ERG: variants seen among roughly 807,000 people sequenced by gnomAD.
ERG encodes ETS transcription factor ERG.
A neutral mutation model predicts 55.3 loss-of-function variants in ERG; 9 were observed. The ratio of observed to expected loss-of-function variants is 0.16; its 90% CI spans 0.10 to 0.28. ERG has a LOEUF of 0.28. Among genes scored for constraint, ERG ranks in the 10% least tolerant of loss-of-function variants. ERG has a pLI of 1.00. For missense variants in ERG, 434 were observed against 631.6 expected, an observed-to-expected ratio of 0.69 and a Z score of 3.35; for synonymous variants, 223 against 237.3, an observed-to-expected ratio of 0.94 and a Z score of 0.55.
intron 2 of ERG, among the ~76,000 whole-genome samples, chr21:38,522,823 G>T (rs1284440529): frequency 1.3e-5 from 2 of 152,184 alleles, no homozygotes; most frequent in East Asian, 3.8e-4. Flanking sequence ...AGACAGAGTT[G>T]TTACTCTCAT....
At chr21:38,367,649 C>T in the ERG span, 1 of 515,468 alleles carries the variant, frequency 1.9e-6, no homozygotes, top group Non-Finnish European at 3.8e-6. Context: ...TGGGTCCAAC[C>T]TATACAAAAA....
intron 1 of ERG, among the ~76,000 whole-genome samples, chr21:38,483,825 C>A (rs1394516359): frequency 6.6e-6 from 1 of 152,106 alleles, no homozygotes; most frequent in Non-Finnish European, 1.5e-5. Flanking sequence ...CAAGATTGCA[C>A]CACAGCATTC....
At position 38,632,977 on chromosome 21, in the gene ERG, C is replaced by T. The variant is rs112295355; in HGVS notation, c.-150+28681G>A. ...CACAATAGCCAAGAAGTAGAAGCAA[C>T]CCAAATGTCCATGGATGGATGAATA... On this transcript the variant is annotated intron_variant, in intron 1 of 10. Coordinates refer to the ERG transcript ENST00000398910. 2.6e-3 allele frequency among the ~76,000 whole-genome samples: 402 copies of T among 152,270 alleles called. 2 individuals carry two copies. The highest frequency in any genetic ancestry group is 8.9e-3 in the African/African-American group (370 of 41,554).
chr21:38,639,758 T>G lies in ERG; in HGVS notation c.-150+21900A>C, dbSNP rs143451016. Among the ~76,000 whole-genome samples the G allele has an allele frequency of 2.4e-3, 368 of 152,330 alleles. 1 individual carries two copies. The highest frequency in any genetic ancestry group is 8.3e-3 in the African/African-American group (345 of 41,576). ...AGCTGGTAGTCTATGAAGCATCACT[T>G]TCACTTTCCAAATCGTGAGGGAAAT... On this transcript the variant is annotated intron_variant, in intron 1 of 10. Transcript: ENST00000398910.
intron 3 of ERG, among the ~76,000 whole-genome samples, chr21:38,415,242 C>A (rs899408991): frequency 1.3e-5 from 2 of 152,132 alleles, no homozygotes; most frequent in South Asian, 4.1e-4. Flanking sequence ...TCTTTACTGT[C>A]GAGTGAGAAT....
At chr21:38,525,023 C>A (rs929304564) in intron 2 of ERG, among the ~76,000 whole-genome samples, 1 of 152,144 alleles carries the variant, frequency 6.6e-6, no homozygotes, top group African/African-American at 2.4e-5. Context: ...ATCTTAGAAG[C>A]GGGTGCTGCT....
At chr21:38,461,024 G>T (rs1292003344) in intron 1 of ERG, among the ~76,000 whole-genome samples, 7 of 152,142 alleles carry the variant, frequency 4.6e-5, no homozygotes, top group Non-Finnish European at 7.3e-5. Flanking sequence ...AGCAGCATGG[G>T]CCTTATTACT....
At chr21:38,634,393 G>A (rs1017520316) in intron 1 of ERG, among the ~76,000 whole-genome samples, 1 of 152,160 alleles carries the variant, frequency 6.6e-6, no homozygotes, top group African/African-American at 2.4e-5. Flanking sequence ...GTGCATAACG[G>A]GAATGGCTAT....
At chr21:38,445,266 C>G (rs754724663) in intron 2 of ERG, 138 bp downstream of exon 2, 3 of 676,978 alleles carry the variant, frequency 4.4e-6, no homozygotes, top group Non-Finnish European at 7.7e-6. Context: ...CTCAGGCTCC[C>G]GAGTAGCTGG....
At chr21:38,649,429 G>C (rs1006493711) in intron 1 of ERG, among the ~76,000 whole-genome samples, 2 of 152,206 alleles carry the variant, frequency 1.3e-5, no homozygotes, top group African/African-American at 4.8e-5. Flanking sequence ...GGTTACCGGG[G>C]ATGACACGCT....
At chr21:38,659,072 T>G (rs985856686) in intron 1 of ERG, among the ~76,000 whole-genome samples, 1 of 152,220 alleles carries the variant, frequency 6.6e-6, no homozygotes, top group Non-Finnish European at 1.5e-5. Flanking sequence ...GAATTATAAG[T>G]GCTACTGGAA....
At chr21:38,444,735 A>AC (rs1051541235) in intron 2 of ERG, among the ~76,000 whole-genome samples, 2 of 147,528 alleles carry the variant, frequency 1.4e-5, no homozygotes, top group African/African-American at 5.1e-5. Flanking sequence ...GGAAAAAAAA[A>AC]AAAAACAAAC....
chr21:38,528,162 C>T (rs115870678), intron 2 of ERG, among the ~76,000 whole-genome samples: 1 of 152,316 alleles, frequency 6.6e-6, no homozygotes, highest in African/African-American at 2.4e-5. Flanking sequence ...CCTCATATAC[C>T]TGTCTGTCTC....
chr21:38,502,861 G>A (rs962025290), upstream of ERG, among the ~76,000 whole-genome samples: 2 of 141,892 alleles, frequency 1.4e-5, no homozygotes, highest in Non-Finnish European at 3.0e-5. Flanking sequence ...TGAGTAGCTG[G>A]GACTACAGGT....
At chr21:38,591,582 C>T (rs964646442) in intron 1 of ERG, among the ~76,000 whole-genome samples, 4 of 152,138 alleles carry the variant, frequency 2.6e-5, no homozygotes, top group African/African-American at 7.2e-5. Context: ...ATCCCAGCTA[C>T]TCAGAAGGCT....
At chr21:38,392,285 C>T (rs1988008016) in intron 7 of ERG, 91 bp downstream of exon 7, 1 of 1,136,502 alleles carries the variant, frequency 8.8e-7, no homozygotes. Flanking sequence ...TGCAAAATCA[C>T]AGATTAACCA....
At chr21:38,488,649 G>A (rs184160226) in intron 1 of ERG, among the ~76,000 whole-genome samples, 54 of 152,192 alleles carry the variant, frequency 3.5e-4, no homozygotes, top group African/African-American at 1.3e-3. Flanking sequence ...CCCAAATCTG[G>A]TAATCTCTGC....
chr21:38,485,999 T>A (rs1476508471), intron 1 of ERG, among the ~76,000 whole-genome samples: 4 of 152,002 alleles, frequency 2.6e-5, no homozygotes, highest in Non-Finnish European at 5.9e-5. Context: ...AGAGGCATGA[T>A]CTCAGCTCAC....
At chr21:38,592,361 T>G (rs1481849989) in intron 1 of ERG, among the ~76,000 whole-genome samples, 1 of 151,366 alleles carries the variant, frequency 6.6e-6, no homozygotes. Context: ...AAGAAAAGAG[T>G]GTTCAGAGGA....
Sources: gnomAD v4.1 joint callset for allele counts (sites outside exome capture counted in the v4.1 genomes callset) on GRCh38, gnomAD v4.1.1 for gene constraint, MANE v1.5 for transcripts, NCBI Gene and HGNC (gene_info 2026-07-23, HGNC 2026-07-21) for gene names.